The following MYLK3 variants were observed in gnomAD, a reference collection of about 807,000 sequenced individuals.
MYLK3 encodes myosin light chain kinase 3.
Under a neutral mutation model 76.3 loss-of-function variants are expected in MYLK3, and 55 were observed. The ratio of observed to expected loss-of-function variants is 0.72; its 90% confidence interval spans 0.58 to 0.90. The LOEUF is 0.90. Among genes scored for constraint, MYLK3 ranks in the 40% least tolerant of loss-of-function variants. The pLI, the probability that MYLK3 is intolerant of heterozygous loss-of-function variation, is 0.00. For synonymous variants in MYLK3, 416 were observed against 425.4 expected (o/e 0.98, Z 0.27); for missense variants, 973 against 1,053.6 (o/e 0.92, Z 1.06).
chr16:46,725,182 T>TA (rs1262567092), intron 8 of MYLK3, among the ~76,000 whole-genome samples: 1 of 152,234 alleles, frequency 6.6e-6, no homozygotes, highest in African/African-American at 2.4e-5. Flanking sequence ...TTAATCCTAA[T>TA]AGTCTCCTCT....
At position 46,729,119 on chromosome 16, in the gene MYLK3, G is replaced by A. The variant is rs150532170; in HGVS notation, c.1677C>T (p.Asn559=). The stretch of plus-strand genomic sequence containing the variant: ...TGAGCTGGTTCATGATGTTGATCTC[G>A]TTCTTCACGTCCTCCTTGGGGGAAC... ...KSAKDREDVK[N]EINIMNQLSH... Residue 559 remains asparagine (N), a synonymous_variant, in exon 7 of 13, where the codon AAC becomes AAT. Coordinates refer to ENST00000394809, the MANE Select transcript of MYLK3 (RefSeq NM_182493.3). The A allele has an allele frequency of 1.5e-5, 24 of 1,613,894 alleles. No homozygotes were observed. In the East Asian group the frequency reaches 2.7e-4, roughly 18 times the overall value.
rs1416039837 is a variant in MYLK3, at chr16:46,706,014, T to C, written c.*1690A>G. On this transcript the variant is annotated 3_prime_UTR_variant, in exon 13 of 13. Coordinates refer to ENST00000394809, the MANE Select transcript of MYLK3 (RefSeq NM_182493.3). ...TAGTTGCTTGCCATGTTGAGAACAG[T>C]ATGATTTCAGTGAAGGGATGACAGG... 2 of 151,888 alleles carry C rather than the reference T, an allele frequency of 1.3e-5. No individual in the cohort carries two copies. Among genetic ancestry groups the C allele is most frequent in the Non-Finnish European group, 2.9e-5 (2 of 68,352 alleles). The allele number at this position is 151,888 out of a possible 1,614,324, so 9.4% of individuals were successfully genotyped here.
chr16:46,758,444 T>C (rs1967234810), intron 1 of MYLK3, among the ~76,000 whole-genome samples: 1 of 152,166 alleles, frequency 6.6e-6, no homozygotes, highest in Non-Finnish European at 1.5e-5. Flanking sequence ...GCGCTTTGGC[T>C]GCCTCTCCTT....
At chr16:46,751,799 G>A (rs1002957514), upstream of MYLK3, among the ~76,000 whole-genome samples, 3 of 152,212 alleles carry the variant, frequency 2.0e-5, no homozygotes, top group East Asian at 5.8e-4. Flanking sequence ...TGGTGGAAAG[G>A]AGTAGCCAGA....
chr16:46,732,020 G>T (rs534794369), intron 4 of MYLK3, among the ~76,000 whole-genome samples, 188 bp downstream of exon 4: 1 of 152,224 alleles, frequency 6.6e-6, no homozygotes, highest in South Asian at 2.1e-4. Context: ...GCCAGCCCAA[G>T]TTCAGGCCCC....
chr16:46,749,577 C>T (rs147729293), upstream of MYLK3, among the ~76,000 whole-genome samples: 67 of 152,234 alleles, frequency 4.4e-4, no homozygotes, highest in African/African-American at 1.5e-3. Context: ...GGCAACATGG[C>T]GAGACCTGGT....
At position 46,732,424 on chromosome 16, in the gene MYLK3, C is replaced by T; in HGVS notation, c.1246G>A (p.Glu416Lys). 1.2e-6 allele frequency: 2 copies of T among 1,613,396 alleles called. No individual in the cohort carries two copies. Among genetic ancestry groups the T allele is most frequent in the Non-Finnish European group, 1.7e-6 (2 of 1,180,024 alleles). ...GGCTCGGCCCCAGCCCTTTGCTCCT[C>T]CTCTGCCTTCACTCCCCCGGGGCTG... ...SSSPGGVKAEEEQRAGAEPGT... is the reference protein window; with the variant it reads ...SSSPGGVKAEKEQRAGAEPGT... The change falls in exon 4 of 13, where the codon GAG (glutamate) becomes AAG (lysine). Residue 416 changes from glutamate to lysine, a missense_variant. Glu to Lys is a moderately conservative substitution (Grantham distance 56, BLOSUM62 1). Around this residue, in one of 2 missense-constraint regions of MYLK3, gnomAD observed 641 missense variants for 637.0 expected, o/e 1.01. Transcript: ENST00000394809.
chr16:46,741,435 T>C (rs1423896652), intron 1 of MYLK3, among the ~76,000 whole-genome samples: 5 of 152,212 alleles, frequency 3.3e-5, no homozygotes, highest in African/African-American at 1.2e-4. Context: ...TATGCTTAGT[T>C]AGTCCACACT....
At chr16:46,732,128 C>T (rs1043399726) in intron 4 of MYLK3, 80 bp downstream of exon 4, 8 of 1,242,134 alleles carry the variant, frequency 6.4e-6, no homozygotes, top group Middle Eastern at 2.5e-4. Context: ...CTGGAAGCTA[C>T]AGGAAGACTC....
At position 46,747,705 on chromosome 16, in the gene MYLK3, G is replaced by A. The variant is rs1215096750; in HGVS notation, c.477+12C>T. On this transcript the variant is annotated intron_variant, in intron 1 of 12. Transcript: ENST00000394809. The stretch of plus-strand genomic sequence containing the variant: ...CCTCCCATCCAGCCAGGGCAGGGAA[G>A]CAGGAACCAACCTCCTCAGGGCTGT... 1 of 1,606,254 alleles carries A rather than the reference G, an allele frequency of 6.2e-7. No homozygotes were observed. The highest frequency in any genetic ancestry group is 1.7e-5 in the Admixed American group (1 of 59,724).
At chr16:46,725,867 C>A (rs921370769) in intron 8 of MYLK3, 6 of 152,208 alleles carry the variant, frequency 3.9e-5, no homozygotes, top group Admixed American at 3.3e-4. Flanking sequence ...GTTTTTATTG[C>A]ATTTGCTTTT....
At chr16:46,718,704 G>A (rs565300169) in intron 9 of MYLK3, among the ~76,000 whole-genome samples, 53 of 152,192 alleles carry the variant, frequency 3.5e-4, no homozygotes, top group African/African-American at 1.1e-3. Context: ...GGTGGCTCAC[G>A]CCTGTAATCC....
chr16:46,717,690 T>C (rs1177368744), intron 9 of MYLK3, among the ~76,000 whole-genome samples: 2 of 152,208 alleles, frequency 1.3e-5, no homozygotes, highest in Admixed American at 1.3e-4. Flanking sequence ...CCTTCAGTGA[T>C]ATCATCTTGG....
In MYLK3 at chr16:46,732,526, G is replaced by A; in HGVS notation, c.1144C>T (p.Leu382Phe). Residue 382 changes from leucine (L) to phenylalanine (F), a missense_variant, in exon 4 of 13, where the codon CTC (leucine) becomes TTC (phenylalanine). Transcript: ENST00000394809. ...KQGPPGTGRC[L>F]QAPGTEPGEQ... ...CCGGGCTCAGTCCCAGGGGCTTGGA[G>A]GCAGCGCCCGGTCCCAGGTGGGCCC... 6.2e-7 allele frequency: 1 copy of A among 1,603,886 alleles called. No individual in the cohort carries two copies. Among genetic ancestry groups the A allele is most frequent in the South Asian group, 1.1e-5 (1 of 91,058 alleles).
At chr16:46,735,619 G>C (rs762360756) in intron 3 of MYLK3, among the ~76,000 whole-genome samples, 1 of 152,204 alleles carries the variant, frequency 6.6e-6, no homozygotes, top group Non-Finnish European at 1.5e-5. Flanking sequence ...CCCTAGGTGC[G>C]TGTGACTCAC....
At chr16:46,744,338 T>TTG (rs1342402712) in intron 1 of MYLK3, among the ~76,000 whole-genome samples, 1 of 131,866 alleles carries the variant, frequency 7.6e-6, no homozygotes, top group Non-Finnish European at 1.6e-5. Flanking sequence ...AGCTTTTTTT[T>TTG]TTTTTTTTTT....
chr16:46,737,850 C>T lies in MYLK3; in HGVS notation c.862G>A (p.Ala288Thr), dbSNP rs150370594. ...LEVAPGAGQG[A>T]SSSRPDPEPL... ...TCAGGGTCAGGCCTGCTGGACGATG[C>T]TCCTTGTCCTGCACCTGGTGCAACC... The change falls in exon 3 of 13, where the codon GCA (alanine) becomes ACA (threonine). Residue 288 changes from alanine to threonine, a missense_variant. By Grantham distance (58) the Ala-to-Thr change is moderately conservative. This residue lies in a region of MYLK3 where 641 missense variants were observed against 637.0 expected (regional missense o/e 1.01). Transcript: ENST00000394809. 13 of 1,614,006 alleles carry T rather than the reference C, an allele frequency of 8.1e-6. No homozygotes were observed. Among genetic ancestry groups the T allele is most frequent in the Non-Finnish European group, 1.1e-5 (13 of 1,180,044 alleles).
At position 46,737,624 on chromosome 16, in the gene MYLK3, A is replaced by G. The variant is rs1596766123; in HGVS notation, c.1001+87T>C. ...TCGCAAGAACAGCCCAGGAACATGT[A>G]TGCAGTGGATGCTGCCCACGGCCGA... On this transcript the variant is annotated intron_variant, in intron 3 of 12. Coordinates refer to ENST00000394809, the MANE Select transcript of MYLK3 (RefSeq NM_182493.3). 4.7e-6 allele frequency: 6 copies of G among 1,281,732 alleles called. No individual in the cohort carries two copies. The East Asian group carries it at 1.4e-4, about 30-fold the overall frequency. The allele number at this position is 1,281,732 out of a possible 1,614,324, so 79.4% of individuals were successfully genotyped here. A position where few individuals can be genotyped will look rare whatever the true frequency, so the allele number is the denominator to read the frequency against.
chr16:46,717,619 G>T (rs1317553744), intron 9 of MYLK3, among the ~76,000 whole-genome samples: 1 of 151,964 alleles, frequency 6.6e-6, no homozygotes, highest in East Asian at 1.9e-4. Context: ...TCCAGGCAGT[G>T]CTGCACTAGA....
Sources: gnomAD v4.1 joint callset for allele counts (sites outside exome capture counted in the v4.1 genomes callset) on GRCh38, gnomAD v4.1.1 for gene constraint, gnomAD v4.1.1 regional missense constraint, MANE v1.5 for transcripts, NCBI Gene and HGNC (gene_info 2026-07-23, HGNC 2026-07-21) for gene names.